Variants in DYNC2H1 observed in about 807,000 individuals in gnomAD.
DYNC2H1 encodes cytoplasmic dynein 2 heavy chain 1.
DYNC2H1 carries 410 observed loss-of-function variants against 570.0 expected under a neutral mutation model. The observed-to-expected ratio is 0.72, with a 90% CI of 0.66 to 0.78. The LOEUF (loss-of-function observed/expected upper bound fraction) is 0.78. Ranked by LOEUF, DYNC2H1 falls within the 30% of genes least tolerant of loss-of-function variation. DYNC2H1 has a pLI of 0.00. For synonymous variants in DYNC2H1, 1,688 were observed against 1,677.6 expected (o/e 1.01, Z -0.15); for missense variants, 4,865 against 5,046.4 (o/e 0.96, Z 1.09).
chr11:103,398,717 T>C (rs1448077127), intron 83 of DYNC2H1, among the ~76,000 whole-genome samples: 1 of 141,492 alleles, frequency 7.1e-6, no homozygotes, highest in Non-Finnish European at 1.5e-5. Context: ...GAAAGTGATC[T>C]TTTTCTTTTA....
At chr11:103,159,236 A>G (rs573900693) in intron 28 of DYNC2H1, among the ~76,000 whole-genome samples, 2 of 152,306 alleles carry the variant, frequency 1.3e-5, no homozygotes, top group South Asian at 2.1e-4. Flanking sequence ...GGTGATTGAC[A>G]TAAGTATGTG....
intron 82 of DYNC2H1, among the ~76,000 whole-genome samples, chr11:103,342,627 T>C (rs184183255): frequency 0.22 from 32,676 of 151,548 alleles, 3,611 homozygotes; most frequent in Admixed American, 0.31. Flanking sequence ...CTCAGCCTCC[T>C]GAGTAGCTGG....
intron 82 of DYNC2H1, among the ~76,000 whole-genome samples, chr11:103,345,050 T>C (rs1939669507): frequency 1.3e-5 from 2 of 152,242 alleles, no homozygotes; most frequent in Admixed American, 1.3e-4. Flanking sequence ...CTCTCACACA[T>C]GCATTTGTGC....
intron 84 of DYNC2H1, among the ~76,000 whole-genome samples, chr11:103,416,033 A>G (rs879831007): frequency 6.6e-6 from 1 of 152,228 alleles, no homozygotes; most frequent in Non-Finnish European, 1.5e-5. Context: ...CATCATTCTC[A>G]GCAAATGATC....
chr11:103,139,636 T>C, intron 17 of DYNC2H1, among the ~76,000 whole-genome samples: 1 of 151,890 alleles, frequency 6.6e-6, no homozygotes, highest in Non-Finnish European at 1.5e-5. Context: ...TACTTCCAAC[T>C]ATGTGGTCAA....
At position 103,117,638 on chromosome 11, in the gene DYNC2H1, A is replaced by G; in HGVS notation, c.774A>G (p.Ser258=). The G allele has an allele frequency of 6.3e-7, 1 of 1,593,814 alleles. No individual in the cohort carries two copies. The highest frequency in any genetic ancestry group is 8.6e-7 in the Non-Finnish European group (1 of 1,169,318). The change falls in exon 6 of 89, where the codon TCA becomes TCG. Residue 258 remains serine, a synonymous_variant. Transcript: ENST00000375735. ...TGCTTTATGTTTTATTAGGTGGTTC[A>G]TTTGGAAGGTTTGTTCAGAAAAAGT... ...MLHLLDIIGG[S]FGRFVQKKLG...
At chr11:103,380,571 G>GT (rs1452697497) in intron 83 of DYNC2H1, among the ~76,000 whole-genome samples, 4 of 151,466 alleles carry the variant, frequency 2.6e-5, no homozygotes, top group African/African-American at 4.9e-5. Flanking sequence ...AATTTTTTTT[G>GT]TTTTTTTGAG....
intron 84 of DYNC2H1, among the ~76,000 whole-genome samples, chr11:103,435,396 A>G (rs955967422): frequency 1.3e-5 from 2 of 152,180 alleles, no homozygotes; most frequent in African/African-American, 4.8e-5. Context: ...AAGAGTCTGC[A>G]TTAATGGTTA....
At chr11:103,148,724 T>A in intron 20 of DYNC2H1, 107 bp downstream of exon 20, 7 of 1,339,432 alleles carry the variant, frequency 5.2e-6, no homozygotes, top group Non-Finnish European at 7.0e-6. Context: ...CTCAACATTA[T>A]AAGGAGGTCC....
Position 103,158,676 on chromosome 11 carries a change from G to A in DYNC2H1, c.4128-1G>A. ...TGAAGATACTTTTTTTTCTTTTGTA[G>A]ATCAATAATGACTGATATCAAGAAA... On this transcript the variant is annotated splice_acceptor_variant, in intron 26 of 88. Transcript: ENST00000375735. LOFTEE classifies it high-confidence loss of function. 1.3e-6 allele frequency: 2 copies of A among 1,518,768 alleles called. No individual in the cohort carries two copies. Among genetic ancestry groups the A allele is most frequent in the East Asian group, 2.4e-5 (1 of 42,214 alleles). The allele number at this position is 1,518,768 out of a possible 1,614,324, so 94.1% of individuals were successfully genotyped here.
intron 76 of DYNC2H1, 130 bp from the exon 77 acceptor site, chr11:103,304,465 C>A (rs1373205548): frequency 1.9e-6 from 2 of 1,030,984 alleles, no homozygotes; most frequent in African/African-American, 1.6e-5. Context: ...TAGTTTGATT[C>A]TTCTTCCAAA....
intron 83 of DYNC2H1, among the ~76,000 whole-genome samples, chr11:103,377,112 C>T (rs565293644): frequency 1.3e-4 from 20 of 152,260 alleles, no homozygotes; most frequent in African/African-American, 4.1e-4. Flanking sequence ...TGAATATAAT[C>T]GGGGCCTTTT....
chr11:103,371,927 G>GTTTTTTTTTTTTTTTTTTTTTTTTTTT (rs60335910), intron 83 of DYNC2H1, among the ~76,000 whole-genome samples: 1 of 67,880 alleles, frequency 1.5e-5, no homozygotes, highest in Non-Finnish European at 2.4e-5. Flanking sequence ...TCCCATTTGG[G>GTTTTTTTTTTTTTTTTTTTTTTTTTTT]TTTTTTTTTT....
At position 103,312,558 on chromosome 11, in the gene DYNC2H1, AAAAAAAAACC is replaced by A. The variant is rs1420720274; in HGVS notation, c.11649+528_11649+537del. Among the ~76,000 whole-genome samples the A allele has an allele frequency of 7.2e-4, 97 of 134,342 alleles. 2 individuals carry two copies. The highest frequency in any genetic ancestry group is 4.8e-3 in the South Asian group (20 of 4,140). 88.1% of individuals were successfully genotyped at this position (134,342 alleles called of 152,430 possible). ...CTCTGCCTCAAAAAAAAAAAAAAAA[AAAAAAAAACC>A]AATTGTAATGTAGTATAAATAGCTA... On this transcript the variant is annotated intron_variant, in intron 79 of 88. Coordinates refer to ENST00000375735, the MANE Select transcript of DYNC2H1 (RefSeq NM_001377.3).
rs1163814103 is a variant in DYNC2H1, at chr11:103,474,700, TTTA to T, written c.12766-4386_12766-4384del. Among the ~76,000 whole-genome samples, 8 of 152,282 alleles carry T rather than the reference TTTA, an allele frequency of 5.3e-5. No homozygotes were observed. The South Asian group carries it at 1.5e-3, about 28-fold the overall frequency. On this transcript the variant is annotated intron_variant, in intron 88 of 88. Coordinates refer to ENST00000375735, the MANE Select transcript of DYNC2H1 (RefSeq NM_001377.3). ...TGTGGTATTGTTACAATTATTCTAT[TTTA>T]TTATTATTTATGTTAATATCTTACT...
chr11:103,132,649 G>GGTGTGTGT (rs5794209), intron 13 of DYNC2H1, among the ~76,000 whole-genome samples: 17 of 148,510 alleles, frequency 1.1e-4, no homozygotes, highest in Admixed American at 6.7e-5. Context: ...GAGGGTTGGG[G>GGTGTGTGT]GTGTGTGTGT....
chr11:103,214,879 T>G (rs1863319836), intron 54 of DYNC2H1, among the ~76,000 whole-genome samples: 1 of 151,954 alleles, frequency 6.6e-6, no homozygotes, highest in African/African-American at 2.4e-5. Flanking sequence ...TTGGTTCACT[T>G]TATTCCTAGG....
chr11:103,158,659 C>G lies in DYNC2H1; in HGVS notation c.4128-18C>G. 6.6e-7 allele frequency: 1 copy of G among 1,504,634 alleles called. No homozygotes were observed. The highest frequency in any genetic ancestry group is 1.4e-5 in the African/African-American group (1 of 70,968). The allele number at this position is 1,504,634 out of a possible 1,614,324, so 93.2% of individuals were successfully genotyped here. ...AATTGTTAAAGTAGATGTGAAGATACTTTTTTTTCTTTTGTAGATCAATAA... is the reference window on the plus strand; with the variant it reads ...AATTGTTAAAGTAGATGTGAAGATAGTTTTTTTTCTTTTGTAGATCAATAA... On this transcript the variant is annotated intron_variant, in intron 26 of 88. Coordinates refer to ENST00000375735, the MANE Select transcript of DYNC2H1 (RefSeq NM_001377.3).
intron 83 of DYNC2H1, among the ~76,000 whole-genome samples, chr11:103,385,192 G>A (rs1339015706): frequency 1.3e-5 from 2 of 151,864 alleles, no homozygotes; most frequent in East Asian, 1.9e-4. Context: ...GATTTAATGG[G>A]CTTTTTGAAT....
Sources: gnomAD v4.1 joint callset for allele counts (sites outside exome capture counted in the v4.1 genomes callset) on GRCh38, gnomAD v4.1.1 for gene constraint, MANE v1.5 for transcripts, NCBI Gene and HGNC (gene_info 2026-07-23, HGNC 2026-07-21) for gene names.